The following TTC34 variants were observed in gnomAD, a reference collection of about 807,000 sequenced individuals.
The protein encoded by TTC34 is tetratricopeptide repeat domain 34.
TTC34 carries 44 observed loss-of-function variants against 40.7 expected under a neutral mutation model. The observed-to-expected ratio is 1.08, with a 90% CI of 0.85 to 1.39. TTC34 has a LOEUF of 1.39. Among genes scored for constraint, TTC34 ranks in the 40% most tolerant of loss-of-function variants. The probability of loss-of-function intolerance (pLI) is 0.00; values close to 1 mark genes in which losing one functional copy is unlikely to be tolerated. For synonymous variants in TTC34, 422 were observed against 398.6 expected (o/e 1.06, Z -0.70); for missense variants, 884 against 838.0 (o/e 1.05, Z -0.68).
Position 2,686,198 on chromosome 1 carries a change from C to G in TTC34, c.2227-40635G>C, listed in dbSNP as rs1391726429. 3.5e-5 allele frequency among the ~76,000 whole-genome samples: 5 copies of G among 144,180 alleles called. No individual in the cohort carries two copies. The East Asian group carries it at 8.3e-4, about 24-fold the overall frequency. 94.6% of individuals were successfully genotyped at this position (144,180 alleles called of 152,430 possible). A position where few individuals can be genotyped will look rare whatever the true frequency, so the allele number is the denominator to read the frequency against. On this transcript the variant is annotated intron_variant, in intron 6 of 8. Transcript: ENST00000401095. ...ATCGGAGAGTCTGGAGCAGCGCCCA[C>G]ACCCCCAGGCGAGCATCTGACAGCC...
At chr1:2,683,773 A>T (rs1266706062) in intron 6 of TTC34, among the ~76,000 whole-genome samples, 1 of 149,426 alleles carries the variant, frequency 6.7e-6, no homozygotes, top group Middle Eastern at 3.5e-3. Flanking sequence ...AGCATCTGAC[A>T]GGCTGGAGCA....
At chr1:2,785,541 G>T (rs1643571729) in intron 5 of TTC34, among the ~76,000 whole-genome samples, 2 of 152,200 alleles carry the variant, frequency 1.3e-5, no homozygotes, top group Admixed American at 1.3e-4. Context: ...CCTCAGGACT[G>T]GGGGTGCTGG....
chr1:2,682,859 A>G (rs1640138999), intron 6 of TTC34, among the ~76,000 whole-genome samples: 1 of 146,008 alleles, frequency 6.8e-6, no homozygotes, highest in Admixed American at 6.8e-5. Context: ...AACCTGGAAC[A>G]GCACCCATAC....
At chr1:2,750,121 C>G (rs1641266825) in intron 6 of TTC34, among the ~76,000 whole-genome samples, 25 of 150,646 alleles carry the variant, frequency 1.7e-4, no homozygotes, top group Admixed American at 3.3e-4. Flanking sequence ...ACAGCACCCA[C>G]ACACCCAGGT....
intron 6 of TTC34, among the ~76,000 whole-genome samples, chr1:2,651,960 C>A (rs569512019): frequency 6.6e-6 from 1 of 152,132 alleles, no homozygotes; most frequent in South Asian, 2.1e-4. Context: ...GCAGCACCTT[C>A]CACCTCTAAG....
intron 6 of TTC34, among the ~76,000 whole-genome samples, chr1:2,768,400 C>T (rs1203706657): frequency 1.3e-5 from 2 of 151,636 alleles, no homozygotes; most frequent in African/African-American, 2.4e-5. Context: ...TATGACAGCC[C>T]GGAACAACAC....
intron 6 of TTC34, among the ~76,000 whole-genome samples, chr1:2,683,876 C>A (rs572364892): frequency 9.9e-5 from 13 of 131,968 alleles, no homozygotes; most frequent in South Asian, 9.8e-4. Flanking sequence ...ACCCACACCC[C>A]GAGGCGAGCA....
chr1:2,789,546 G>A (rs1367738553), exon 3 of TTC34: 10 of 1,497,092 alleles, frequency 6.7e-6, no homozygotes, highest in African/African-American at 4.3e-5. Flanking sequence ...GCCTCCCTCC[G>A]GCCCTGCGCT....
At chr1:2,767,661 A>T (rs1222032345) in intron 6 of TTC34, among the ~76,000 whole-genome samples, 1 of 103,864 alleles carries the variant, frequency 9.6e-6, no homozygotes, top group Non-Finnish European at 1.9e-5. Context: ...TGAGCATCCG[A>T]CAGCGTGGAA....
intron 6 of TTC34, among the ~76,000 whole-genome samples, chr1:2,771,831 G>GTCATCCTCACCTC (rs1642233120): frequency 1.4e-5 from 1 of 71,162 alleles, no homozygotes; most frequent in Admixed American, 1.3e-4. Flanking sequence ...ACAGCCTGGA[G>GTCATCCTCACCTC]CAGCGCCCAC....
rs61750886 is a variant in TTC34 at position 2,800,545 on chromosome 1, C to T, written c.283G>A (p.Gly95Ser). Residue 95 changes from glycine (G) to serine (S), a missense_variant, in exon 2 of 9, where the codon GGC (glycine) becomes AGC (serine). By Grantham distance (56) the Gly-to-Ser change is moderately conservative. Coordinates refer to ENST00000401095, the Ensembl canonical transcript of TTC34. ...GCGGGGTGGTCCGGGCAGAGGGCGC[C>T]GAGGAAGGCAGAGGCCAGCGACCCT... The T allele has an allele frequency of 1.1e-3, 421 of 398,428 alleles. 1 individual carries two copies. Among genetic ancestry groups the T allele is most frequent in the African/African-American group, 7.8e-3 (382 of 48,718 alleles). The allele number at this position is 398,428 out of a possible 1,614,324, so 24.7% of individuals were successfully genotyped here.
At chr1:2,780,425 C>G (rs1643463791) in intron 6 of TTC34, among the ~76,000 whole-genome samples, 1 of 152,102 alleles carries the variant, frequency 6.6e-6, no homozygotes, top group Non-Finnish European at 1.5e-5. Context: ...AGTTTTAGGT[C>G]TTTGATCCAT....
intron 6 of TTC34, among the ~76,000 whole-genome samples, chr1:2,653,101 C>G (rs542589889): frequency 2.6e-5 from 4 of 152,338 alleles, no homozygotes; most frequent in African/African-American, 9.6e-5. Context: ...AGGGGAGCAT[C>G]CGACAGCCTG....
intron 6 of TTC34, among the ~76,000 whole-genome samples, chr1:2,756,688 C>T (rs1224392448): frequency 1.8e-3 from 5 of 2,754 alleles, no homozygotes; most frequent in African/African-American, 0.012. Flanking sequence ...CAGCTGAAAT[C>T]CTGGAACAGC....
At chr1:2,692,605 G>GAGCAT (rs1640675659) in intron 6 of TTC34, among the ~76,000 whole-genome samples, 1 of 148,068 alleles carries the variant, frequency 6.8e-6, no homozygotes. Flanking sequence ...GCATCTGACT[G>GAGCAT]CCTGGAACAG....
chr1:2,797,197 T>C (rs910485827), intron 2 of TTC34, among the ~76,000 whole-genome samples: 42 of 152,250 alleles, frequency 2.8e-4, no homozygotes, highest in African/African-American at 9.6e-4. Context: ...CTCTGCAGAT[T>C]CCATGATTAT....
chr1:2,699,571 C>T (rs543339262), intron 6 of TTC34, among the ~76,000 whole-genome samples: 11 of 144,976 alleles, frequency 7.6e-5, no homozygotes, highest in Middle Eastern at 7.2e-3. Flanking sequence ...GCAGCACCCA[C>T]ACCCCCAGGT....
At chr1:2,773,055 C>G (rs111870612) in intron 6 of TTC34, among the ~76,000 whole-genome samples, 2 of 128,386 alleles carry the variant, frequency 1.6e-5, no homozygotes, top group Non-Finnish European at 3.5e-5. Flanking sequence ...GCAGCACGCA[C>G]ACCCCCAGGT....
chr1:2,655,246 A>AGT (rs1223946446), intron 6 of TTC34, among the ~76,000 whole-genome samples: 8 of 106,900 alleles, frequency 7.5e-5, no homozygotes, highest in Admixed American at 1.1e-4. Flanking sequence ...CTGGAGCAGC[A>AGT]CGCACACCCC....
Sources: gnomAD v4.1 joint callset for allele counts (sites outside exome capture counted in the v4.1 genomes callset) on GRCh38, gnomAD v4.1.1 for gene constraint, MANE v1.5 for transcripts, NCBI Gene and HGNC (gene_info 2026-07-23, HGNC 2026-07-21) for gene names.